The following CELSR2 variants were observed in gnomAD, a reference collection of about 807,000 sequenced individuals.
CELSR2 encodes EGF-like protein 2.
CELSR2 carries 81 observed loss-of-function variants against 251.6 expected under a neutral mutation model. The observed-to-expected ratio is 0.32, with a 90% CI of 0.27 to 0.39. The LOEUF is 0.39. CELSR2 is among the 10% of genes least tolerant of loss of function. CELSR2 has a pLI of 1.00. For synonymous variants in CELSR2, 1,721 were observed against 1,670.5 expected (o/e 1.03, Z -0.74); for missense variants, 3,365 against 3,947.7 (o/e 0.85, Z 3.96).
chr1:109,254,140 C>T (rs1374427555), intron 1 of CELSR2, among the ~76,000 whole-genome samples: 1 of 152,196 alleles, frequency 6.6e-6, no homozygotes, highest in Non-Finnish European at 1.5e-5. Flanking sequence ...GCCTCGTGGG[C>T]CCCCCTTGCC....
chr1:109,270,162 T>C, intron 23 of CELSR2, 29 bp downstream of exon 23: 1 of 1,608,850 alleles, frequency 6.2e-7, no homozygotes, highest in Non-Finnish European at 8.5e-7. Context: ...CCAGAAACTG[T>C]CCCCACCTTC....
At chr1:109,268,225 C>T (rs1656260458) in intron 17 of CELSR2, among the ~76,000 whole-genome samples, 165 bp downstream of exon 17, 1 of 152,198 alleles carries the variant, frequency 6.6e-6, no homozygotes, top group Non-Finnish European at 1.5e-5. Context: ...GCCCAGCCCT[C>T]TTCCCAACCC....
In CELSR2 at chr1:109,269,815, C is replaced by A; in HGVS notation, c.7102C>A (p.Arg2368=). 1 of 1,612,614 alleles carries A rather than the reference C, an allele frequency of 6.2e-7. No homozygotes were observed. Among genetic ancestry groups the A allele is most frequent in the Non-Finnish European group, 8.5e-7 (1 of 1,179,954 alleles). Residue 2368 remains arginine (R), a synonymous_variant, in exon 22 of 34, where the codon CGG becomes AGG. Transcript: ENST00000271332. The surrounding 1 kb of genome is among the most constrained non-coding windows in gnomAD (Gnocchi z 6.4). ...CGCTGTGCTCATGGACGTTTCTCGG[C>A]GGGAGGTCGGGCCCACAGGGGCAGC... The part of the protein sequence containing the change: ...SFAVLMDVSR[R]ENGEILPLKT...
chr1:109,260,862 G>T (rs928585482), intron 2 of CELSR2, among the ~76,000 whole-genome samples, 180 bp from the exon 3 acceptor site: 4 of 152,190 alleles, frequency 2.6e-5, no homozygotes, highest in Non-Finnish European at 4.4e-5. Context: ...CCCATGAAGG[G>T]CTGGGGACCA....
rs765247746 is a variant in CELSR2, at chr1:109,251,683, G to A, written c.1604G>A (p.Gly535Asp). 2 of 1,614,110 alleles carry A rather than the reference G, an allele frequency of 1.2e-6. No individual in the cohort carries two copies. The highest frequency in any genetic ancestry group is 1.7e-6 in the Non-Finnish European group (2 of 1,180,032). Residue 535 changes from glycine (G) to aspartate (D), a missense_variant, in exon 1 of 34, where the codon GGT becomes GAT. Coordinates refer to ENST00000271332, the MANE Select transcript of CELSR2 (RefSeq NM_001408.3). The surrounding 1 kb of genome is among the most constrained non-coding windows in gnomAD (Gnocchi z 4.9). ...GTCCAGGCTATCGACGCTGATGCTG[G>A]TGACAATGCCCGCCTGGAATACCGC... ...LHVQAIDADA[G>D]DNARLEYRLA...
In CELSR2 at chr1:109,253,109, C is replaced by T. The variant is rs751855828; in HGVS notation, c.3030C>T (p.His1010=). 19 of 1,613,726 alleles carry T rather than the reference C, an allele frequency of 1.2e-5. No individual in the cohort carries two copies. Among genetic ancestry groups the T allele is most frequent in the Non-Finnish European group, 1.5e-5 (18 of 1,180,048 alleles). ...SAPLVSRATV[H]VRLLDRNDNP... is the part of the protein sequence containing the mutation. ...CTCTGGTGAGCCGGGCTACAGTCCA[C>T]GTCCGCCTCCTTGACCGCAATGACA... is the stretch of plus-strand genomic sequence containing the variant. Residue 1010 remains histidine, a synonymous_variant, in exon 1 of 34, where the codon CAC becomes CAT. Coordinates refer to ENST00000271332, the MANE Select transcript of CELSR2 (RefSeq NM_001408.3).
At position 109,274,304 on chromosome 1, in the gene CELSR2, T is replaced by A; in HGVS notation, c.*255T>A. The A allele has an allele frequency of 1.3e-6, 1 of 749,240 alleles. No homozygotes were observed. Among genetic ancestry groups the A allele is most frequent in the Non-Finnish European group, 2.0e-6 (1 of 502,488 alleles). 46.4% of individuals were successfully genotyped at this position (749,240 alleles called of 1,614,324 possible). A position where few individuals can be genotyped will look rare whatever the true frequency, so the allele number is the denominator to read the frequency against. ...TGGGGCCAACATCTCCAAGACAAAG[T>A]TTTTCAGAAAAGAGGAAAAAAAGAA... On this transcript the variant is annotated 3_prime_UTR_variant, in exon 34 of 34. Coordinates refer to ENST00000271332, the MANE Select transcript of CELSR2 (RefSeq NM_001408.3).
chr1:109,252,752 A>C lies in CELSR2; in HGVS notation c.2673A>C (p.Ala891=). The C allele has an allele frequency of 6.2e-7, 1 of 1,614,058 alleles. No homozygotes were observed. Among genetic ancestry groups the C allele is most frequent in the Non-Finnish European group, 8.5e-7 (1 of 1,180,042 alleles). Reference sequence around the variant, plus strand: ...ACGTGGCCCAGTATGTCTTGCGGGCATATGCAGTGGACAAGGGGATGCCCC... The same window carrying C: ...ACGTGGCCCAGTATGTCTTGCGGGCCTATGCAGTGGACAAGGGGATGCCCC... The part of the protein sequence containing the change: ...RENVAQYVLR[A]YAVDKGMPPA... The change falls in exon 1 of 34, where the codon GCA becomes GCC. Residue 891 remains alanine (A), a synonymous_variant. Coordinates refer to ENST00000271332, the MANE Select transcript of CELSR2 (RefSeq NM_001408.3). The surrounding 1 kb of genome is among the most constrained non-coding windows in gnomAD (Gnocchi z 4.8).
chr1:109,272,684 G>A lies in CELSR2; in HGVS notation c.8099G>A (p.Gly2700Glu). 1.2e-6 allele frequency: 2 copies of A among 1,612,838 alleles called. No individual in the cohort carries two copies. The highest frequency in any genetic ancestry group is 2.2e-5 in the East Asian group (1 of 44,784). ...LNPGQGPPGL[G>E]DPGSLFLEGQ... ...CCTGGCCAAGGGCCCCCTGGCCTGG[G>A]GGATCCAGGCAGCCTGTTCCTGGAA... The change falls in exon 30 of 34, where the codon GGG (glycine) becomes GAG (glutamate). Residue 2700 changes from glycine (G) to glutamate (E), a missense_variant. Gly to Glu is a moderately conservative substitution (Grantham distance 98, BLOSUM62 -2). Coordinates refer to ENST00000271332, the MANE Select transcript of CELSR2 (RefSeq NM_001408.3).
rs1224678341 is a variant in CELSR2 at position 109,250,153 on chromosome 1, T to TGCC, written c.81_83dup (p.Pro28dup). 13 of 1,597,770 alleles carry TGCC rather than the reference T, an allele frequency of 8.1e-6. No homozygotes were observed. Among genetic ancestry groups the TGCC allele is most frequent in the East Asian group, 2.3e-5 (1 of 43,630 alleles). On this transcript the variant is annotated inframe_insertion, in exon 1 of 34. Coordinates refer to ENST00000271332, the MANE Select transcript of CELSR2 (RefSeq NM_001408.3). The surrounding 1 kb of genome is among the most constrained non-coding windows in gnomAD (Gnocchi z 4.4). Reference sequence around the variant, plus strand: ...CTGCTGCTGCTGTTGCTGCTGCTGCTGCCGCCGCCACTATTGGGAGACCAA... The same window carrying TGCC: ...CTGCTGCTGCTGTTGCTGCTGCTGCTGCCGCCGCCGCCACTATTGGGAGACCAA...
chr1:109,249,945 A>T lies in CELSR2; in HGVS notation c.-135A>T. On this transcript the variant is annotated 5_prime_UTR_variant, in exon 1 of 34. Transcript: ENST00000271332. ...GGGTCCCGCCGAGCCATCCAGACGC[A>T]GGCCCCGCGGGGCGCACGGGAGGCC... The T allele has an allele frequency of 1.3e-6, 1 of 793,472 alleles. No individual in the cohort carries two copies. Among genetic ancestry groups the T allele is most frequent in the Non-Finnish European group, 1.6e-6 (1 of 612,970 alleles). The allele number at this position is 793,472 out of a possible 1,614,324, so 49.2% of individuals were successfully genotyped here. A position where few individuals can be genotyped will look rare whatever the true frequency, so the allele number is the denominator to read the frequency against.
Position 109,263,754 on chromosome 1 carries a change from G to T in CELSR2, c.4978G>T (p.Gly1660Trp). The T allele has an allele frequency of 2.5e-6, 4 of 1,613,570 alleles. No individual in the cohort carries two copies. Among genetic ancestry groups the T allele is most frequent in the Non-Finnish European group, 3.4e-6 (4 of 1,179,968 alleles). Reference protein sequence around the residue: ...DGVLLQAITRGRSTITLQLRE... With the variant: ...DGVLLQAITRWRSTITLQLRE... ...TGTCCTGCTGCAGGCCATCACCAGGGGGCGCAGCACCATCACCCTACAGGT... is the reference window on the plus strand; with the variant it reads ...TGTCCTGCTGCAGGCCATCACCAGGTGGCGCAGCACCATCACCCTACAGGT... The change falls in exon 9 of 34, where the codon GGG (glycine) becomes TGG (tryptophan). Residue 1660 changes from glycine to tryptophan, a missense_variant. Physicochemically the swap from Gly to Trp is radical, Grantham distance 184. Transcript: ENST00000271332.
At chr1:109,266,942 C>T (rs1280361613) in intron 15 of CELSR2, among the ~76,000 whole-genome samples, 1 of 151,712 alleles carries the variant, frequency 6.6e-6, no homozygotes, top group Non-Finnish European at 1.5e-5. Flanking sequence ...AGGATGGTCT[C>T]GATCTCTTGA....
rs1179169551 is a variant in CELSR2 at position 109,252,648 on chromosome 1, G to A, written c.2569G>A (p.Gly857Ser). 2 of 1,613,796 alleles carry A rather than the reference G, an allele frequency of 1.2e-6. No individual in the cohort carries two copies. Among genetic ancestry groups the A allele is most frequent in the African/African-American group, 1.3e-5 (1 of 74,938 alleles). The part of the protein sequence containing the change: ...NGRVFYTFQG[G>S]DDGDGDFIVE... The stretch of plus-strand genomic sequence containing the variant: ...CAGGGTCTTCTACACCTTCCAAGGA[G>A]GCGACGATGGAGACGGTGACTTTAT... Residue 857 changes from glycine (G) to serine (S), a missense_variant, in exon 1 of 34, where the codon GGC (glycine) becomes AGC (serine). By Grantham distance (56) the Gly-to-Ser change is moderately conservative. Coordinates refer to ENST00000271332, the MANE Select transcript of CELSR2 (RefSeq NM_001408.3). This position sits in a 1 kb window ranked among gnomAD's most constrained non-coding sequence, Gnocchi z 4.8.
chr1:109,269,256 C>T lies in CELSR2; in HGVS notation c.6778C>T (p.Pro2260Ser). 6.2e-7 allele frequency: 1 copy of T among 1,613,256 alleles called. No homozygotes were observed. The highest frequency in any genetic ancestry group is 8.5e-7 in the Non-Finnish European group (1 of 1,179,972). The change falls in exon 20 of 34, where the codon CCT (proline) becomes TCT (serine). Residue 2260 changes from proline to serine, a missense_variant. Transcript: ENST00000271332. The surrounding 1 kb of genome is among the most constrained non-coding windows in gnomAD (Gnocchi z 6.4). ...IIYRTLAGLL[P>S]HNYDPDKRSL... The stretch of plus-strand genomic sequence containing the variant: ...CTACCGCACCCTGGCCGGGCTACTG[C>T]CTCATAACTATGACCCTGACAAGCG...
chr1:109,262,640 G>A (rs1055176739), intron 6 of CELSR2, among the ~76,000 whole-genome samples, 166 bp from the exon 7 acceptor site: 1 of 152,188 alleles, frequency 6.6e-6, no homozygotes, highest in Non-Finnish European at 1.5e-5. Flanking sequence ...CTGAGTGTTC[G>A]ACAAGAACAG....
chr1:109,252,031 A>AT lies in CELSR2; in HGVS notation c.1953dup (p.Thr652TyrfsTer27). 6.2e-7 allele frequency: 1 copy of AT among 1,614,058 alleles called. No individual in the cohort carries two copies. Among genetic ancestry groups the AT allele is most frequent in the South Asian group, 1.1e-5 (1 of 91,082 alleles). On this transcript the variant is annotated frameshift_variant, in exon 1 of 34. Coordinates refer to ENST00000271332, the MANE Select transcript of CELSR2 (RefSeq NM_001408.3). LOFTEE classifies it high-confidence loss of function. This position sits in a 1 kb window ranked among gnomAD's most constrained non-coding sequence, Gnocchi z 4.8. ...ATCACCTACCAGATCACCAGTGGCA[A>AT]TACTCGAAACCGCTTCTCCATCACC... is the stretch of plus-strand genomic sequence containing the variant.
Position 109,271,638 on chromosome 1 carries a change from G to A in CELSR2, c.7842G>A (p.Lys2614=). 1.2e-6 allele frequency: 2 copies of A among 1,614,078 alleles called. No individual in the cohort carries two copies. The highest frequency in any genetic ancestry group is 1.7e-6 in the Non-Finnish European group (2 of 1,180,030). Residue 2614 remains lysine (K), a synonymous_variant, in exon 28 of 34, where the codon AAG becomes AAA. Transcript: ENST00000271332. ...TCCTCTCCTATGTGGTGCTTAGCAA[G>A]GAGGTCCGGAAAGCACTCAAGCTTG... ...FIFLSYVVLS[K]EVRKALKLAC... is the part of the protein sequence containing the mutation.
intron 14 of CELSR2, 68 bp from the exon 15 acceptor site, chr1:109,266,037 G>A: frequency 1.3e-6 from 2 of 1,595,648 alleles, no homozygotes; most frequent in South Asian, 1.1e-5. Flanking sequence ...CCTAGGGAGG[G>A]CTGGGGAGCC....
Sources: gnomAD v4.1 joint callset for allele counts (sites outside exome capture counted in the v4.1 genomes callset) on GRCh38, gnomAD v4.1.1 for gene constraint, Gnocchi (gnomAD v3.1) non-coding constraint, MANE v1.5 for transcripts, NCBI Gene and HGNC (gene_info 2026-07-23, HGNC 2026-07-21) for gene names.